The following ANKFN1 variants were observed in gnomAD, a reference collection of about 807,000 sequenced individuals.
ANKFN1 encodes the protein ankyrin repeat and fibronectin type-III domain-containing protein 1.
In ANKFN1, 74 loss-of-function variants were observed where a neutral mutation model predicts 108.7. The observed-to-expected ratio is 0.68, with a 90% confidence interval of 0.56 to 0.83. The LOEUF (loss-of-function observed/expected upper bound fraction) is 0.83, where lower values mean the gene tolerates loss of function less well. Ranked by LOEUF, ANKFN1 falls within the 40% of genes least tolerant of loss-of-function variation. The pLI, the probability that ANKFN1 is intolerant of heterozygous loss-of-function variation, is 0.00. For synonymous variants in ANKFN1, 547 were observed against 516.2 expected, an observed-to-expected ratio of 1.06 and a Z score of -0.81; for missense variants, 1,505 against 1,382.3, an observed-to-expected ratio of 1.09 and a Z score of -1.41.
chr17:56,312,982 C>T (rs1167331577), intron 3 of ANKFN1, among the ~76,000 whole-genome samples: 2 of 151,924 alleles, frequency 1.3e-5, no homozygotes, highest in East Asian at 1.9e-4. Flanking sequence ...TGATGAAACC[C>T]CGTCTCTACT....
At chr17:56,242,524 A>AT (rs1004415138) in intron 3 of ANKFN1, among the ~76,000 whole-genome samples, 32 of 152,122 alleles carry the variant, frequency 2.1e-4, no homozygotes, top group African/African-American at 7.0e-4. Context: ...TTCATGTTTG[A>AT]TTTTTAATGC....
At chr17:56,141,016 A>C (rs1907888348) in intron 4 of ANKFN1, among the ~76,000 whole-genome samples, 1 of 152,180 alleles carries the variant, frequency 6.6e-6, no homozygotes, top group African/African-American at 2.4e-5. Flanking sequence ...GCACGTAATG[A>C]TTTAAGCATT....
chr17:56,308,112 A>G (rs759170996), intron 3 of ANKFN1, among the ~76,000 whole-genome samples: 2 of 152,156 alleles, frequency 1.3e-5, no homozygotes, highest in Non-Finnish European at 2.9e-5. Flanking sequence ...GGGGAGGGAT[A>G]GCATTTGGAG....
chr17:56,176,908 C>T (rs1162694362), intron 1 of ANKFN1, among the ~76,000 whole-genome samples: 2 of 152,190 alleles, frequency 1.3e-5, no homozygotes, highest in South Asian at 2.1e-4. Flanking sequence ...TCACAGGACA[C>T]AATGCCTTTT....
intron 1 of ANKFN1, among the ~76,000 whole-genome samples, chr17:56,179,644 T>C (rs756110053): frequency 6.6e-6 from 1 of 152,224 alleles, no homozygotes; most frequent in Non-Finnish European, 1.5e-5. Flanking sequence ...TGAATTTTAA[T>C]CCCTGCTTGG....
At chr17:56,220,934 C>T (rs1168079756) in intron 2 of ANKFN1, among the ~76,000 whole-genome samples, 5 of 142,640 alleles carry the variant, frequency 3.5e-5, no homozygotes, top group South Asian at 4.7e-4. Context: ...AACGAACGAA[C>T]GAAAGAAAGA....
intron 15 of ANKFN1, among the ~76,000 whole-genome samples, chr17:56,477,262 T>G (rs533583741): frequency 2.0e-5 from 3 of 152,182 alleles, no homozygotes; most frequent in Admixed American, 6.5e-5. Flanking sequence ...AATAAGCATA[T>G]AGAATATATT....
At chr17:56,299,860 C>T (rs1012359159) in intron 3 of ANKFN1, among the ~76,000 whole-genome samples, 14 of 152,122 alleles carry the variant, frequency 9.2e-5, no homozygotes, top group Admixed American at 1.3e-4. Context: ...AGCATTTGTT[C>T]GTTGGCTAAA....
At chr17:56,156,581 G>A (rs1055508070) in intron 1 of ANKFN1, 1 of 152,218 alleles carries the variant, frequency 6.6e-6, no homozygotes, top group Non-Finnish European at 1.5e-5. Flanking sequence ...TGCATGGTGG[G>A]TTTCATATAT....
intron 4 of ANKFN1, among the ~76,000 whole-genome samples, chr17:56,091,318 A>C (rs1184851208): frequency 1.3e-5 from 2 of 151,144 alleles, no homozygotes; most frequent in African/African-American, 2.4e-5. Flanking sequence ...TCATTGAGTA[A>C]AATTGTGCAA....
At chr17:56,282,558 A>C (rs114092850) in intron 3 of ANKFN1, among the ~76,000 whole-genome samples, 3,916 of 152,326 alleles carry the variant, frequency 0.026, 171 homozygotes, top group African/African-American at 0.089. Context: ...CTCATGACAA[A>C]GATGAGTTTG....
intron 2 of ANKFN1, among the ~76,000 whole-genome samples, chr17:56,214,506 C>T (rs1567842002): frequency 6.6e-6 from 1 of 152,194 alleles, no homozygotes; most frequent in African/African-American, 2.4e-5. Flanking sequence ...ATGATGCTCC[C>T]TATTGCACAG....
chr17:56,422,447 ATGCACACACATG>A (rs1205617602), intron 8 of ANKFN1, among the ~76,000 whole-genome samples: 1 of 151,258 alleles, frequency 6.6e-6, no homozygotes, highest in African/African-American at 2.5e-5. Context: ...ACACACATGC[ATGCACACACATG>A]CACACACACA....
intron 18 of ANKFN1, among the ~76,000 whole-genome samples, chr17:56,491,372 A>G (rs2051033257): frequency 6.6e-6 from 1 of 152,138 alleles, no homozygotes; most frequent in Non-Finnish European, 1.5e-5. Context: ...TCCTCATCCT[A>G]CTAGAATCCA....
intron 8 of ANKFN1, among the ~76,000 whole-genome samples, chr17:56,384,138 G>C (rs937200088): frequency 6.6e-6 from 1 of 152,178 alleles, no homozygotes; most frequent in Non-Finnish European, 1.5e-5. Context: ...CCATGATCAA[G>C]TGGGCTTCAT....
chr17:56,111,379 A>G (rs1905952174), intron 4 of ANKFN1, among the ~76,000 whole-genome samples: 1 of 152,264 alleles, frequency 6.6e-6, no homozygotes, highest in Non-Finnish European at 1.5e-5. Flanking sequence ...CTCTCTGCCT[A>G]CCACCTCTCT....
intron 4 of ANKFN1, among the ~76,000 whole-genome samples, chr17:56,065,636 TAAG>T (rs1567780488): frequency 6.6e-6 from 1 of 152,152 alleles, no homozygotes; most frequent in East Asian, 1.9e-4. Flanking sequence ...TCTCAGGGAA[TAAG>T]AAGGCCCAAA....
chr17:56,049,899 A>G (rs1340285114), intron 4 of ANKFN1, among the ~76,000 whole-genome samples: 1 of 151,956 alleles, frequency 6.6e-6, no homozygotes, highest in Non-Finnish European at 1.5e-5. Flanking sequence ...TCCTTTGGGT[A>G]TATACCCAGT....
At chr17:56,096,213 C>T (rs550157556) in intron 4 of ANKFN1, among the ~76,000 whole-genome samples, 1 of 152,304 alleles carries the variant, frequency 6.6e-6, no homozygotes, top group Admixed American at 6.5e-5. Context: ...GCTCTTCCCA[C>T]ACCAGCCAGA....
Sources: allele counts gnomAD v4.1 joint callset (sites outside exome capture counted in the v4.1 genomes callset), GRCh38; gene constraint gnomAD v4.1.1; transcripts MANE v1.5; gene names NCBI Gene and HGNC (gene_info 2026-07-23, HGNC 2026-07-21).